The following PRKG1 variants were observed in gnomAD, a reference collection of about 807,000 sequenced individuals.
The protein encoded by PRKG1 is cGMP-dependent protein kinase 1.
In PRKG1, 35 loss-of-function variants were observed where a neutral mutation model predicts 88.1. That is an observed-to-expected ratio of 0.40 (90% CI 0.30 to 0.53). PRKG1 has a LOEUF of 0.53. PRKG1 is among the 20% of genes least tolerant of loss of function. PRKG1 has a pLI of 0.59. For missense variants in PRKG1, 540 were observed against 839.8 expected (o/e 0.64, Z 4.41); for synonymous variants, 303 against 292.5 (o/e 1.04, Z -0.37).
At chr10:52,150,391 G>A (rs1279214206) in intron 8 of PRKG1, among the ~76,000 whole-genome samples, 3 of 151,832 alleles carry the variant, frequency 2.0e-5, no homozygotes, top group Non-Finnish European at 4.4e-5. Context: ...ATGTGACCTC[G>A]AGCAAATTAC....
At chr10:52,101,535 A>G (rs1847293265) in intron 7 of PRKG1, among the ~76,000 whole-genome samples, 2 of 152,220 alleles carry the variant, frequency 1.3e-5, no homozygotes, top group Non-Finnish European at 2.9e-5. Context: ...CCAGGAATAC[A>G]GGGCACTTAA....
intron 2 of PRKG1, among the ~76,000 whole-genome samples, chr10:51,433,289 A>G (rs1364541041): frequency 6.6e-6 from 1 of 152,112 alleles, no homozygotes; most frequent in Non-Finnish European, 1.5e-5. Context: ...GAGGGTTAAG[A>G]AATGAGACTC....
At chr10:51,926,669 C>T (rs1799374871) in intron 5 of PRKG1, among the ~76,000 whole-genome samples, 1 of 151,894 alleles carries the variant, frequency 6.6e-6, no homozygotes, top group Non-Finnish European at 1.5e-5. Flanking sequence ...GGAAAGCATT[C>T]CTCCTGTCCT....
At chr10:51,560,327 C>T (rs959176644) in intron 3 of PRKG1, among the ~76,000 whole-genome samples, 15 of 152,186 alleles carry the variant, frequency 9.9e-5, no homozygotes, top group Admixed American at 3.9e-4. Flanking sequence ...GGCCTCTGCA[C>T]AAAAGCCAAG....
chr10:51,605,179 T>C (rs1838730072), intron 3 of PRKG1, among the ~76,000 whole-genome samples: 3 of 152,166 alleles, frequency 2.0e-5, no homozygotes, highest in Non-Finnish European at 4.4e-5. Flanking sequence ...CCTCTGCTCC[T>C]CTCAACATCC....
chr10:52,140,720 G>A (rs931267881), intron 8 of PRKG1, among the ~76,000 whole-genome samples: 1 of 152,098 alleles, frequency 6.6e-6, no homozygotes, highest in Non-Finnish European at 1.5e-5. Flanking sequence ...AGAGAAGAGG[G>A]AAAGTAGAGG....
At chr10:51,522,410 G>A (rs1470891264) in intron 3 of PRKG1, among the ~76,000 whole-genome samples, 1 of 152,156 alleles carries the variant, frequency 6.6e-6, no homozygotes, top group Non-Finnish European at 1.5e-5. Flanking sequence ...ACGTTGCTTG[G>A]TAATGAAATT....
At chr10:51,671,587 TCTC>T (rs1482210188) in intron 3 of PRKG1, among the ~76,000 whole-genome samples, 19 of 148,708 alleles carry the variant, frequency 1.3e-4, no homozygotes, top group African/African-American at 3.3e-4. Context: ...TCTCTCTCTC[TCTC>T]TTTTTTTTTT....
chr10:51,728,719 G>A (rs1008009039), intron 3 of PRKG1, among the ~76,000 whole-genome samples: 3 of 152,050 alleles, frequency 2.0e-5, no homozygotes, highest in Admixed American at 6.6e-5. Context: ...CTATGGTTAT[G>A]GAATAGAATG....
chr10:52,240,615 G>A (rs536803493), intron 9 of PRKG1, among the ~76,000 whole-genome samples: 1 of 152,268 alleles, frequency 6.6e-6, no homozygotes, highest in East Asian at 1.9e-4. Context: ...TCCAATGGCA[G>A]TGACTTGATA....
intron 3 of PRKG1, among the ~76,000 whole-genome samples, chr10:51,604,835 G>A (rs1003712274): frequency 2.6e-5 from 4 of 152,192 alleles, no homozygotes; most frequent in Admixed American, 1.3e-4. Context: ...GTTACAGTGC[G>A]CTCTTTCAGC....
intron 1 of PRKG1, among the ~76,000 whole-genome samples, chr10:51,055,480 A>G (rs1044956935): frequency 6.6e-6 from 1 of 152,144 alleles, no homozygotes; most frequent in African/African-American, 2.4e-5. Flanking sequence ...TCAAATAGAC[A>G]GGTCAATATC....
intron 2 of PRKG1, among the ~76,000 whole-genome samples, chr10:51,165,736 G>C (rs1240241584): frequency 6.6e-6 from 1 of 152,064 alleles, no homozygotes; most frequent in African/African-American, 2.4e-5. Context: ...AAAAAGGCAG[G>C]GGTTGCAATC....
intron 2 of PRKG1, among the ~76,000 whole-genome samples, chr10:51,169,621 T>C (rs1275048200): frequency 7.4e-6 from 1 of 135,418 alleles, no homozygotes; most frequent in East Asian, 1.9e-4. Flanking sequence ...TAATTAATTT[T>C]AGGGTTTGTT....
chr10:51,021,190 A>G (rs1370207408), intron 1 of PRKG1, among the ~76,000 whole-genome samples: 1 of 152,192 alleles, frequency 6.6e-6, no homozygotes, highest in Non-Finnish European at 1.5e-5. Context: ...AGGTTCCTGG[A>G]AAAGTAGATT....
intron 4 of PRKG1, among the ~76,000 whole-genome samples, chr10:51,863,522 G>A (rs1465183892): frequency 6.6e-6 from 1 of 152,110 alleles, no homozygotes; most frequent in Non-Finnish European, 1.5e-5. Flanking sequence ...GGTTTGGTAT[G>A]AATGTGTCCC....
At chr10:52,066,298 T>C (rs1308228116) in intron 7 of PRKG1, among the ~76,000 whole-genome samples, 1 of 152,220 alleles carries the variant, frequency 6.6e-6, no homozygotes, top group Non-Finnish European at 1.5e-5. Flanking sequence ...TTTGCTAATA[T>C]TATGTCCTCA....
In PRKG1 at chr10:51,380,390, C is replaced by T. The variant is rs113300125; in HGVS notation, c.479-87333C>T. Among the ~76,000 whole-genome samples, 1,183 of 152,192 alleles carry T rather than the reference C, an allele frequency of 7.8e-3. 7 individuals carry two copies. Among genetic ancestry groups the T allele is most frequent in the African/African-American group, 0.019 (789 of 41,526 alleles). ...GTTTGCCAGAACACCGTTGCCTCCC[C>T]GTTAAGCATAATCTCCATGAAAAAA... On this transcript the variant is annotated intron_variant, in intron 2 of 17. Coordinates refer to ENST00000373980, the MANE Select transcript of PRKG1 (RefSeq NM_006258.4).
At chr10:51,039,689 A>C (rs778565711) in intron 1 of PRKG1, among the ~76,000 whole-genome samples, 1 of 151,984 alleles carries the variant, frequency 6.6e-6, no homozygotes, top group Non-Finnish European at 1.5e-5. Flanking sequence ...TGTCCTGGAG[A>C]GTTTTCCCAA....
Sources: gnomAD v4.1 joint callset for allele counts (sites outside exome capture counted in the v4.1 genomes callset) on GRCh38, gnomAD v4.1.1 for gene constraint, MANE v1.5 for transcripts, NCBI Gene and HGNC (gene_info 2026-07-23, HGNC 2026-07-21) for gene names.